The following UBASH3B variants were observed in gnomAD, a reference collection of about 807,000 sequenced individuals.
UBASH3B encodes ubiquitin-associated and SH3 domain-containing protein B.
UBASH3B carries 37 observed loss-of-function variants against 83.4 expected under a neutral mutation model. The ratio of observed to expected loss-of-function variants is 0.44; its 90% CI spans 0.34 to 0.58. The LOEUF (loss-of-function observed/expected upper bound fraction) is 0.58. Among genes scored for constraint, UBASH3B ranks in the 20% least tolerant of loss-of-function variants. The probability of loss-of-function intolerance (pLI) is 0.01; values close to 1 mark genes in which losing one functional copy is unlikely to be tolerated. For synonymous variants in UBASH3B, 304 were observed against 318.3 expected, an observed-to-expected ratio of 0.96 and a Z score of 0.48; for missense variants, 657 against 827.2, an observed-to-expected ratio of 0.79 and a Z score of 2.52.
intron 1 of UBASH3B, among the ~76,000 whole-genome samples, chr11:122,753,748 G>A (rs1861239337): frequency 6.6e-6 from 1 of 151,946 alleles, no homozygotes; most frequent in African/African-American, 2.4e-5. Flanking sequence ...ACCTGCCTCG[G>A]CCTCCCAAAG....
chr11:122,808,071 T>A lies in UBASH3B; in HGVS notation c.1707T>A (p.Asn569Lys). The change falls in exon 13 of 14, where the codon AAT (asparagine) becomes AAA (lysine). Residue 569 changes from asparagine to lysine, a missense_variant. This residue lies in a region of UBASH3B where 573 missense variants were observed against 739.0 expected (regional missense o/e 0.78). Coordinates refer to ENST00000284273, the MANE Select transcript of UBASH3B (RefSeq NM_032873.5). ...EIISECKSKG[N>K]NILIVAHASS... The stretch of plus-strand genomic sequence containing the variant: ...TACCTTGCCATTTTCCCCCAGGAAA[T>A]AACATCCTGATTGTGGCCCACGCAT... The A allele has an allele frequency of 6.2e-7, 1 of 1,613,932 alleles. No individual in the cohort carries two copies. Among genetic ancestry groups the A allele is most frequent in the South Asian group, 1.1e-5 (1 of 91,068 alleles).
At chr11:122,683,530 T>A (rs1332456401) in intron 1 of UBASH3B, among the ~76,000 whole-genome samples, 5 of 151,120 alleles carry the variant, frequency 3.3e-5, no homozygotes, top group Non-Finnish European at 7.4e-5. Flanking sequence ...CAGGAGAATC[T>A]GGAGGCGGAG....
At chr11:122,805,929 A>G (rs529923466) in intron 11 of UBASH3B, among the ~76,000 whole-genome samples, 1 of 152,344 alleles carries the variant, frequency 6.6e-6, no homozygotes, top group South Asian at 2.1e-4. Context: ...TCTGTGTTCA[A>G]AATAAGAGAG....
rs1235369986 is a variant in UBASH3B at position 122,806,479 on chromosome 11, A to G, written c.1665A>G (p.Gln555=). ...ATACTTATATCAGTAGAAGTTTCCA[A>G]GTAACAAAAGAAATAATAAGTGAAT... ...SYDTYISRSF[Q]VTKEIISECK... The change falls in exon 12 of 14, where the codon CAA becomes CAG. Residue 555 remains glutamine (Q), a synonymous_variant. Coordinates refer to ENST00000284273, the MANE Select transcript of UBASH3B (RefSeq NM_032873.5). This position sits in a 1 kb window ranked among gnomAD's most constrained non-coding sequence, Gnocchi z 4.0. The G allele has an allele frequency of 6.2e-7, 1 of 1,607,248 alleles. No individual in the cohort carries two copies. The highest frequency in any genetic ancestry group is 1.3e-5 in the African/African-American group (1 of 74,804).
At chr11:122,682,619 T>TAGGACACTAGGGGCCAGCTCTCCTCTC (rs1469566438) in intron 1 of UBASH3B, among the ~76,000 whole-genome samples, 19 of 152,236 alleles carry the variant, frequency 1.2e-4, no homozygotes, top group Non-Finnish European at 2.5e-4. Context: ...AGATGGTAAT[T>TAGGACACTAGGGGCCAGCTCTCCTCTC]AGGACACTAG....
At chr11:122,721,049 T>C (rs896093677) in intron 1 of UBASH3B, among the ~76,000 whole-genome samples, 1 of 151,750 alleles carries the variant, frequency 6.6e-6, no homozygotes, top group Admixed American at 6.6e-5. Context: ...ATGGAGACCA[T>C]CCCGGCTCAC....
intron 1 of UBASH3B, among the ~76,000 whole-genome samples, chr11:122,719,221 C>G (rs975626555): frequency 1.3e-5 from 2 of 152,124 alleles, no homozygotes; most frequent in African/African-American, 4.8e-5. Context: ...TGGGAGTGCC[C>G]GGAAGTCAAT....
intron 1 of UBASH3B, among the ~76,000 whole-genome samples, chr11:122,748,372 T>C (rs888339762): frequency 2.6e-5 from 4 of 152,190 alleles, no homozygotes; most frequent in Admixed American, 2.0e-4. Flanking sequence ...CCAGATTCAG[T>C]AACGATCAAC....
intron 1 of UBASH3B, among the ~76,000 whole-genome samples, chr11:122,676,182 G>A (rs1043746332): frequency 9.9e-5 from 15 of 152,060 alleles, no homozygotes; most frequent in African/African-American, 3.6e-4. Context: ...CAAGAGGATC[G>A]CTTTGAGCCC....
intron 1 of UBASH3B, among the ~76,000 whole-genome samples, chr11:122,700,412 A>G (rs1864026379): frequency 6.6e-6 from 1 of 152,042 alleles, no homozygotes; most frequent in Non-Finnish European, 1.5e-5. Flanking sequence ...TTTTCCAAAC[A>G]CCATTACATC....
intron 1 of UBASH3B, among the ~76,000 whole-genome samples, chr11:122,706,479 C>G (rs892846858): frequency 6.6e-6 from 1 of 152,134 alleles, no homozygotes; most frequent in Non-Finnish European, 1.5e-5. Flanking sequence ...TTGTTGCTAA[C>G]AACTTGTGTT....
intron 1 of UBASH3B, among the ~76,000 whole-genome samples, chr11:122,733,721 G>T (rs1860883866): frequency 6.6e-6 from 1 of 152,208 alleles, no homozygotes; most frequent in Non-Finnish European, 1.5e-5. Context: ...AAGAGTATAT[G>T]ATAATAGAGG....
rs577178306 is a variant in UBASH3B at position 122,697,580 on chromosome 11, C to T, written c.161+41370C>T. On this transcript the variant is annotated intron_variant, in intron 1 of 13. Coordinates refer to ENST00000284273, the MANE Select transcript of UBASH3B (RefSeq NM_032873.5). Reference sequence around the variant, plus strand: ...TCTAGTGACTGAGGGCGCTAGAATTCGAACCCAGATCCACTGCCTCCCACT... The same window carrying T: ...TCTAGTGACTGAGGGCGCTAGAATTTGAACCCAGATCCACTGCCTCCCACT... Among the ~76,000 whole-genome samples, 4 of 152,326 alleles carry T rather than the reference C, an allele frequency of 2.6e-5. No homozygotes were observed. In the East Asian group the frequency reaches 7.7e-4, roughly 29 times the overall value.
chr11:122,778,635 C>G (rs1860786040), intron 3 of UBASH3B, among the ~76,000 whole-genome samples: 2 of 136,862 alleles, frequency 1.5e-5, no homozygotes, highest in South Asian at 4.6e-4. Flanking sequence ...TATATAGTCT[C>G]TCTCTGTCAC....
At chr11:122,790,964 A>AT (rs1861042853) in intron 6 of UBASH3B, among the ~76,000 whole-genome samples, 1 of 151,460 alleles carries the variant, frequency 6.6e-6, no homozygotes, top group Admixed American at 6.6e-5. Flanking sequence ...AAAAAAAAAA[A>AT]GTGGAGGTAT....
chr11:122,682,067 C>T (rs12276242), intron 1 of UBASH3B, among the ~76,000 whole-genome samples: 1,592 of 152,310 alleles, frequency 0.01, 23 homozygotes, highest in African/African-American at 0.036. Context: ...CGTGAATCAT[C>T]TGCCCATGTA....
chr11:122,658,178 G>GGAA (rs1372177001), intron 1 of UBASH3B, among the ~76,000 whole-genome samples: 20 of 111,308 alleles, frequency 1.8e-4, no homozygotes, highest in Non-Finnish European at 3.5e-4. Context: ...TTCATCTCAA[G>GGAA]AAAAAAAAAA....
At chr11:122,693,135 G>T (rs1863917032) in intron 1 of UBASH3B, among the ~76,000 whole-genome samples, 1 of 152,184 alleles carries the variant, frequency 6.6e-6, no homozygotes, top group Non-Finnish European at 1.5e-5. Flanking sequence ...ACCTTCTCAA[G>T]GGTGGGGAGA....
At chr11:122,726,538 C>T (rs532239160) in intron 1 of UBASH3B, among the ~76,000 whole-genome samples, 5 of 151,944 alleles carry the variant, frequency 3.3e-5, no homozygotes, top group South Asian at 2.1e-4. Flanking sequence ...TTAGTAGAGA[C>T]GGGGTTTCAC....
Sources: allele counts gnomAD v4.1 joint callset (sites outside exome capture counted in the v4.1 genomes callset), GRCh38; gene constraint gnomAD v4.1.1; regional missense constraint gnomAD v4.1.1; non-coding constraint Gnocchi (gnomAD v3.1); transcripts MANE v1.5; gene names NCBI Gene and HGNC (gene_info 2026-07-23, HGNC 2026-07-21).